FDX1: variants seen among roughly 807,000 people sequenced by gnomAD.
FDX1 encodes adrenodoxin, mitochondrial.
A neutral mutation model predicts 14.9 loss-of-function variants in FDX1; 9 were observed. The observed-to-expected ratio is 0.60, with a 90% CI of 0.36 to 1.05. FDX1 has a LOEUF of 1.05. Among genes scored for constraint, FDX1 ranks in the 50% least tolerant of loss-of-function variants. The probability of loss-of-function intolerance (pLI) is 0.01; values close to 1 mark genes in which losing one functional copy is unlikely to be tolerated. For missense variants in FDX1, 204 were observed against 237.2 expected (o/e 0.86, Z 0.92); for synonymous variants, 92 against 99.4 (o/e 0.93, Z 0.44).
chr11:110,444,687 C>T lies in FDX1; in HGVS notation c.310+8729C>T, dbSNP rs1369418912. 2.1e-3 allele frequency among the ~76,000 whole-genome samples: 62 copies of T among 29,498 alleles called. 5 individuals carry two copies. The highest frequency in any genetic ancestry group is 9.5e-3 in the African/African-American group (45 of 4,724). The allele number at this position is 29,498 out of a possible 152,430, so 19.4% of individuals were successfully genotyped here. A position where few individuals can be genotyped will look rare whatever the true frequency, so the allele number is the denominator to read the frequency against. ...ATACGTATATATATATATATATACA[C>T]GTATATATATATATATACGTATATA... On this transcript the variant is annotated intron_variant, in intron 2 of 3. Transcript: ENST00000260270.
rs1339022045 is a variant in FDX1, at chr11:110,444,613, CA to C, written c.310+8665del. Among the ~76,000 whole-genome samples the C allele has an allele frequency of 7.2e-5, 8 of 111,772 alleles. No homozygotes were observed. The South Asian group carries it at 8.5e-4, about 12-fold the overall frequency. The allele number at this position is 111,772 out of a possible 152,430, so 73.3% of individuals were successfully genotyped here. The stretch of plus-strand genomic sequence containing the variant: ...CCTGGGTGACTGAGCAAGACTGTCT[CA>C]AAAAAAAAAGAAAATATATGTGTGT... On this transcript the variant is annotated intron_variant, in intron 2 of 3. Transcript: ENST00000260270.
At chr11:110,436,230 G>A (rs1270709019) in intron 2 of FDX1, among the ~76,000 whole-genome samples, 1 of 152,074 alleles carries the variant, frequency 6.6e-6, no homozygotes, top group African/African-American at 2.4e-5. Flanking sequence ...CCGACGGTAG[G>A]GAGTAGAGTT....
rs1443058824 is a variant in FDX1 at position 110,463,457 on chromosome 11, C to CT, written c.*991dup. ...CGTATGTGTGGAAGACATTCGTACT[C>CT]TTATCTTTACTATAAATAAATTCAT... is the stretch of plus-strand genomic sequence containing the variant. On this transcript the variant is annotated 3_prime_UTR_variant, in exon 4 of 4. Transcript: ENST00000260270. 1 of 152,208 alleles carries CT rather than the reference C, an allele frequency of 6.6e-6. No individual in the cohort carries two copies. Among genetic ancestry groups the CT allele is most frequent in the African/African-American group, 2.4e-5 (1 of 41,444 alleles). 9.4% of individuals were successfully genotyped at this position (152,208 alleles called of 1,614,324 possible). A position where few individuals can be genotyped will look rare whatever the true frequency, so the allele number is the denominator to read the frequency against.
rs950074525 is a variant in FDX1, at chr11:110,455,545, C to G, written c.311-1373C>G. On this transcript the variant is annotated intron_variant, in intron 2 of 3. Coordinates refer to ENST00000260270, the MANE Select transcript of FDX1 (RefSeq NM_004109.5). ...CTTTAAAAAAACTGTAAAAACAAAC[C>G]CGAATCACTGTTTTTAAAGTCAGAT... Among the ~76,000 whole-genome samples, 8 of 152,110 alleles carry G rather than the reference C, an allele frequency of 5.3e-5. No homozygotes were observed. The South Asian group carries it at 8.3e-4, about 16-fold the overall frequency.
At chr11:110,447,416 T>A (rs1057498122) in intron 2 of FDX1, among the ~76,000 whole-genome samples, 3 of 151,864 alleles carry the variant, frequency 2.0e-5, no homozygotes, top group African/African-American at 4.8e-5. Context: ...ATTGCACCAC[T>A]GTACTCCAGT....
intron 2 of FDX1, among the ~76,000 whole-genome samples, chr11:110,452,230 A>G (rs1946491113): frequency 6.6e-6 from 1 of 151,966 alleles, no homozygotes; most frequent in African/African-American, 2.4e-5. Context: ...TATATAAGAA[A>G]AATAAATTAG....
At chr11:110,433,130 AC>A (rs1946342013) in intron 1 of FDX1, among the ~76,000 whole-genome samples, 1 of 152,246 alleles carries the variant, frequency 6.6e-6, no homozygotes, top group Non-Finnish European at 1.5e-5. Context: ...CTTCAGAAGA[AC>A]AGCAACGCTG....
At chr11:110,434,725 GTTTT>G (rs56907322) in intron 1 of FDX1, among the ~76,000 whole-genome samples, 18 of 105,746 alleles carry the variant, frequency 1.7e-4, no homozygotes, top group Non-Finnish European at 2.5e-4. Context: ...GACTTTTTTT[GTTTT>G]TTTTTTTTTT....
At chr11:110,438,692 C>A (rs1946386291) in intron 2 of FDX1, among the ~76,000 whole-genome samples, 1 of 152,128 alleles carries the variant, frequency 6.6e-6, no homozygotes, top group South Asian at 2.1e-4. Context: ...GTCTTGAATT[C>A]CTGACCTCAA....
chr11:110,460,737 C>T (rs978357207), intron 3 of FDX1, among the ~76,000 whole-genome samples: 11 of 152,152 alleles, frequency 7.2e-5, no homozygotes, highest in Admixed American at 6.5e-4. Context: ...GAGGAATTCT[C>T]CTGCTCATCT....
chr11:110,444,341 C>T (rs752798740), intron 2 of FDX1, among the ~76,000 whole-genome samples: 22 of 152,002 alleles, frequency 1.4e-4, no homozygotes, highest in Non-Finnish European at 2.4e-4. Context: ...GCTGTCCGGG[C>T]GCGTTGGCTC....
chr11:110,445,582 G>A (rs889797670), intron 2 of FDX1, among the ~76,000 whole-genome samples: 5 of 152,160 alleles, frequency 3.3e-5, no homozygotes, highest in African/African-American at 9.7e-5. Flanking sequence ...ACTGGGTCAT[G>A]ATGTAAAATG....
intron 1 of FDX1, among the ~76,000 whole-genome samples, chr11:110,432,524 A>G (rs554655245): frequency 1.3e-5 from 2 of 152,290 alleles, no homozygotes; most frequent in Admixed American, 6.5e-5. Context: ...ACCTGAGTGC[A>G]GTGGTGCCAT....
intron 2 of FDX1, among the ~76,000 whole-genome samples, chr11:110,454,890 G>T (rs776804164): frequency 1.3e-5 from 2 of 152,188 alleles, no homozygotes; most frequent in Admixed American, 6.5e-5. Context: ...AACAGCCCAT[G>T]CCCCTAACTC....
intron 2 of FDX1, 24 bp downstream of exon 2, chr11:110,435,982 A>G: frequency 6.3e-7 from 1 of 1,588,498 alleles, no homozygotes; most frequent in Non-Finnish European, 8.5e-7. Context: ...ATTTCTTAAA[A>G]TGCATAAGTG....
intron 2 of FDX1, among the ~76,000 whole-genome samples, chr11:110,443,890 T>G (rs1356853308): frequency 6.6e-6 from 1 of 152,128 alleles, no homozygotes; most frequent in African/African-American, 2.4e-5. Flanking sequence ...TCTGTTCATG[T>G]CCTTTGCCTA....
At chr11:110,437,633 C>T (rs1946378746) in intron 2 of FDX1, among the ~76,000 whole-genome samples, 1 of 152,098 alleles carries the variant, frequency 6.6e-6, no homozygotes, top group African/African-American at 2.4e-5. Flanking sequence ...GGTGTCTGTT[C>T]ATGTCTTTTT....
chr11:110,434,659 C>G (rs114134494), intron 1 of FDX1, among the ~76,000 whole-genome samples: 2,811 of 151,212 alleles, frequency 0.019, 76 homozygotes, highest in African/African-American at 0.06. Flanking sequence ...AAGCTCACTA[C>G]AACCCTGGTC....
At chr11:110,436,946 C>G (rs1198215246) in intron 2 of FDX1, among the ~76,000 whole-genome samples, 2 of 152,136 alleles carry the variant, frequency 1.3e-5, no homozygotes, top group African/African-American at 4.8e-5. Context: ...TGAGTCACCT[C>G]ATGGAGTAGG....
Sources: gnomAD v4.1 joint callset for allele counts (sites outside exome capture counted in the v4.1 genomes callset) on GRCh38, gnomAD v4.1.1 for gene constraint, MANE v1.5 for transcripts, NCBI Gene and HGNC (gene_info 2026-07-23, HGNC 2026-07-21) for gene names.